Variants in TPRG1 observed in about 807,000 individuals in gnomAD.
TPRG1 encodes the protein tumor protein p63-regulated gene 1 protein.
TPRG1 carries 29 observed loss-of-function variants against 29.3 expected under a neutral mutation model. The observed-to-expected ratio is 0.99, with a 90% CI of 0.74 to 1.35. The LOEUF (loss-of-function observed/expected upper bound fraction) is 1.35, where lower values mean the gene tolerates loss of function less well. TPRG1 is among the 40% of genes most tolerant of loss of function. TPRG1 has a pLI of 0.00. For missense variants in TPRG1, 327 were observed against 335.0 expected, an observed-to-expected ratio of 0.98 and a Z score of 0.19; for synonymous variants, 130 against 116.8, an observed-to-expected ratio of 1.11 and a Z score of -0.73.
At chr3:189,188,413 G>C (rs747661400) in intron 1 of TPRG1, among the ~76,000 whole-genome samples, 2 of 152,212 alleles carry the variant, frequency 1.3e-5, no homozygotes, top group Non-Finnish European at 2.9e-5. Flanking sequence ...AGCCTGGCTT[G>C]TGTTGGGGCC....
chr3:188,999,698 AC>A (rs1187983714), intron 1 of TPRG1, among the ~76,000 whole-genome samples: 1 of 152,088 alleles, frequency 6.6e-6, no homozygotes, highest in African/African-American at 2.4e-5. Context: ...TATATTTATT[AC>A]TTTTTTTATT....
chr3:189,317,870 A>C (rs1176211137), intron 5 of TPRG1, among the ~76,000 whole-genome samples: 1 of 152,132 alleles, frequency 6.6e-6, no homozygotes, highest in Admixed American at 6.6e-5. Flanking sequence ...GTGTTCAGAG[A>C]GGAGGGTTGA....
intron 1 of TPRG1, among the ~76,000 whole-genome samples, chr3:188,999,145 G>T (rs1054016289): frequency 6.6e-6 from 1 of 152,176 alleles, no homozygotes; most frequent in African/African-American, 2.4e-5. Context: ...GGGAGGTGTT[G>T]TGTGGTTGTT....
At chr3:189,277,771 C>T (rs541516391) in intron 4 of TPRG1, among the ~76,000 whole-genome samples, 2 of 152,336 alleles carry the variant, frequency 1.3e-5, no homozygotes, top group Non-Finnish European at 2.9e-5. Context: ...TACAGCTTTA[C>T]GAGTCCAATC....
At chr3:189,017,427 T>C (rs544064827) in intron 3 of TPRG1, among the ~76,000 whole-genome samples, 2 of 152,182 alleles carry the variant, frequency 1.3e-5, no homozygotes, top group South Asian at 4.1e-4. Flanking sequence ...CCCCTTCCTG[T>C]GTCCATGTGA....
intron 1 of TPRG1, among the ~76,000 whole-genome samples, chr3:189,116,669 G>T (rs924856382): frequency 4.6e-5 from 7 of 152,164 alleles, no homozygotes; most frequent in Non-Finnish European, 8.8e-5. Context: ...CATGCTAAGT[G>T]AAATAAGCCA....
intron 4 of TPRG1, among the ~76,000 whole-genome samples, chr3:189,053,367 C>T (rs1715455259): frequency 6.6e-6 from 1 of 152,152 alleles, no homozygotes; most frequent in South Asian, 2.1e-4. Context: ...TAGAAATTGA[C>T]CCTCCCAGTC....
intron 4 of TPRG1, among the ~76,000 whole-genome samples, chr3:189,071,040 G>A (rs1716781762): frequency 2.8e-5 from 4 of 140,706 alleles, no homozygotes; most frequent in Non-Finnish European, 4.6e-5. Flanking sequence ...TTGCCTGGAA[G>A]CAAAGAAACT....
intron 3 of TPRG1, among the ~76,000 whole-genome samples, chr3:189,015,237 C>A (rs117068574): frequency 6.6e-6 from 1 of 152,038 alleles, no homozygotes; most frequent in Non-Finnish European, 1.5e-5. Flanking sequence ...GAACTTTGAA[C>A]CTGGGAGAGA....
chr3:189,022,550 CA>C (rs777418650), intron 3 of TPRG1, among the ~76,000 whole-genome samples: 62 of 151,770 alleles, frequency 4.1e-4, no homozygotes, highest in East Asian at 1.2e-3. Context: ...GCTCGGGGGT[CA>C]GGGGTCAGGG....
chr3:189,301,509 G>T (rs900520012), intron 4 of TPRG1, among the ~76,000 whole-genome samples: 1 of 152,118 alleles, frequency 6.6e-6, no homozygotes, highest in African/African-American at 2.4e-5. Flanking sequence ...ACTCAGTGAA[G>T]TGGCAACCAT....
At chr3:189,171,009 A>G (rs1005204364), upstream of TPRG1, among the ~76,000 whole-genome samples, 4 of 152,218 alleles carry the variant, frequency 2.6e-5, no homozygotes, top group East Asian at 5.8e-4. Flanking sequence ...AATCATACAC[A>G]TAACAGCATT....
chr3:189,244,653 G>A (rs143729918), intron 4 of TPRG1, among the ~76,000 whole-genome samples: 27 of 152,146 alleles, frequency 1.8e-4, no homozygotes, highest in African/African-American at 6.5e-4. Context: ...AGTACCAAGA[G>A]GATGGCATTA....
chr3:189,250,026 T>C (rs995228543), intron 4 of TPRG1, among the ~76,000 whole-genome samples: 1 of 152,212 alleles, frequency 6.6e-6, no homozygotes, highest in African/African-American at 2.4e-5. Context: ...CTCCCTTCTT[T>C]CATTAGTTTT....
At chr3:189,221,138 A>T (rs1332762221) in intron 3 of TPRG1, among the ~76,000 whole-genome samples, 1 of 152,238 alleles carries the variant, frequency 6.6e-6, no homozygotes, top group African/African-American at 2.4e-5. Context: ...GGAAAGATAA[A>T]TGAAACTATA....
chr3:189,190,009 C>G (rs1420553119), intron 1 of TPRG1, among the ~76,000 whole-genome samples: 5 of 152,156 alleles, frequency 3.3e-5, no homozygotes, highest in African/African-American at 1.2e-4. Flanking sequence ...TAGAGCTTCT[C>G]TCATAGTTAA....
At chr3:189,025,165 G>A (rs959178764) in intron 4 of TPRG1, among the ~76,000 whole-genome samples, 1 of 152,150 alleles carries the variant, frequency 6.6e-6, no homozygotes. Context: ...CCTGAGCACC[G>A]GTTCTTCCTA....
intron 4 of TPRG1, among the ~76,000 whole-genome samples, chr3:189,084,957 T>G (rs1366073522): frequency 6.6e-6 from 1 of 152,150 alleles, no homozygotes; most frequent in African/African-American, 2.4e-5. Context: ...ACATGTTAAA[T>G]TACAGTAACA....
At chr3:189,114,586 T>TGA (rs1280546726) in intron 1 of TPRG1, among the ~76,000 whole-genome samples, 1 of 152,124 alleles carries the variant, frequency 6.6e-6, no homozygotes, top group East Asian at 1.9e-4. Flanking sequence ...ATTTCATGAA[T>TGA]GACACATAGG....
Sources: gnomAD v4.1 joint callset for allele counts (sites outside exome capture counted in the v4.1 genomes callset) on GRCh38, gnomAD v4.1.1 for gene constraint, MANE v1.5 for transcripts, NCBI Gene and HGNC (gene_info 2026-07-23, HGNC 2026-07-21) for gene names.